CDCP1: variants seen among roughly 807,000 people sequenced by gnomAD.
CDCP1 encodes CUB domain containing protein 1.
CDCP1 carries 29 observed loss-of-function variants against 60.2 expected under a neutral mutation model. The observed-to-expected ratio is 0.48, with a 90% CI of 0.36 to 0.66. CDCP1 has a LOEUF of 0.66. Ranked by LOEUF, CDCP1 falls within the 30% of genes least tolerant of loss-of-function variation. The pLI is 0.00. For missense variants in CDCP1, 876 were observed against 1,074.3 expected (o/e 0.82, Z 2.58); for synonymous variants, 387 against 431.1 (o/e 0.90, Z 1.27).
intron 2 of CDCP1, 73 bp downstream of exon 2, chr3:45,118,339 A>G (rs766768667): frequency 8.9e-7 from 1 of 1,117,398 alleles, no homozygotes; most frequent in Non-Finnish European, 1.4e-6. Context: ...CTGACTTAGC[A>G]TGGGAAAGAC....
intron 1 of CDCP1, among the ~76,000 whole-genome samples, chr3:45,125,554 T>C (rs181388202): frequency 1.3e-5 from 2 of 152,332 alleles, no homozygotes; most frequent in African/African-American, 2.4e-5. Flanking sequence ...AGTCAATCAA[T>C]ATTGGCTGTT....
At chr3:45,089,431 G>C (rs952443541) in intron 7 of CDCP1, among the ~76,000 whole-genome samples, 1 of 152,174 alleles carries the variant, frequency 6.6e-6, no homozygotes, top group Non-Finnish European at 1.5e-5. Context: ...TAAGAAGTCT[G>C]ACTATGCTGA....
chr3:45,144,943 G>A (rs182484640), intron 1 of CDCP1, among the ~76,000 whole-genome samples: 57 of 152,080 alleles, frequency 3.7e-4, no homozygotes, highest in African/African-American at 1.3e-3. Flanking sequence ...TCAGGAGCTC[G>A]AGACCAGCCT....
In CDCP1 at chr3:45,093,341, G is replaced by T. The variant is rs145165318; in HGVS notation, c.1563C>A (p.Ala521=). 359 of 1,614,156 alleles carry T rather than the reference G, an allele frequency of 2.2e-4. 2 individuals are homozygous for T. In the African/African-American group the frequency reaches 4.6e-3, roughly 21 times the overall value. ...TGGAGGCCTCTTGTTGGAAGCTGGGGGCAAAGGTGCGAAGGGTCACCGAGA... is the reference window on the plus strand; with the variant it reads ...TGGAGGCCTCTTGTTGGAAGCTGGGTGCAAAGGTGCGAAGGGTCACCGAGA... ...QNISVTLRTF[A]PSFQQEASRQ... Residue 521 remains alanine (A), a synonymous_variant, in exon 6 of 9, where the codon GCC becomes GCA. Transcript: ENST00000296129.
At chr3:45,102,688 C>T (rs1426426270) in intron 4 of CDCP1, among the ~76,000 whole-genome samples, 1 of 151,248 alleles carries the variant, frequency 6.6e-6, no homozygotes. Flanking sequence ...TGTTTTGAGA[C>T]AGTTTCACTC....
rs2126012643 is a variant in CDCP1, at chr3:45,146,249, T to C, written c.39A>G (p.Leu13=). 6.3e-7 allele frequency: 1 copy of C among 1,596,838 alleles called. No individual in the cohort carries two copies. The highest frequency in any genetic ancestry group is 1.1e-5 in the South Asian group (1 of 89,178). ...GLNCGVSIAL[L]GVLLLGAARL... ...GCGCCGCACCCAGCAGCAGAACCCC[T>C]AGCAGTGCGATAGAGACCCCGCAGT... The change falls in exon 1 of 9, where the codon CTA becomes CTG. Residue 13 remains leucine (L), a synonymous_variant. Coordinates refer to ENST00000296129, the MANE Select transcript of CDCP1 (RefSeq NM_022842.5).
Position 45,091,639 on chromosome 3 carries a change from G to T in CDCP1, c.1628-101C>A. 1 of 1,383,662 alleles carries T rather than the reference G, an allele frequency of 7.2e-7. No individual in the cohort carries two copies. The allele number at this position is 1,383,662 out of a possible 1,614,324, so 85.7% of individuals were successfully genotyped here. On this transcript the variant is annotated intron_variant, in intron 6 of 8. Coordinates refer to ENST00000296129, the MANE Select transcript of CDCP1 (RefSeq NM_022842.5). The surrounding 1 kb of genome is among the most constrained non-coding windows in gnomAD (Gnocchi z 4.8). ...ACGAAGTCCAACTGTCCAGACCAGC[G>T]CTGTCTAACCGAACTTTCTGCGATG...
At chr3:45,137,290 G>A (rs559871689) in intron 1 of CDCP1, among the ~76,000 whole-genome samples, 7 of 152,268 alleles carry the variant, frequency 4.6e-5, no homozygotes, top group African/African-American at 1.7e-4. Flanking sequence ...CTAATGATGA[G>A]CATTTGGGTT....
intron 4 of CDCP1, among the ~76,000 whole-genome samples, chr3:45,096,623 C>CAAAAAAA (rs5848726): frequency 0.015 from 810 of 53,094 alleles, 77 homozygotes; most frequent in South Asian, 0.029. Context: ...GACTCCGTCT[C>CAAAAAAA]AAAAAAAAAA....
rs140040562 is a variant in CDCP1, at chr3:45,110,744, C to T, written c.753G>A (p.Thr251=). 46 of 1,614,062 alleles carry T rather than the reference C, an allele frequency of 2.8e-5. No individual in the cohort carries two copies. The highest frequency in any genetic ancestry group is 3.7e-5 in the Non-Finnish European group (44 of 1,180,050). ...GGTGTGCAGGAACGACAAACTGCCA[C>T]GTCATGAGCTCATCCTCAGGGAAGC... ...PEGFPEDELM[T]WQFVVPAHLR... Residue 251 remains threonine (T), a synonymous_variant, in exon 4 of 9, where the codon ACG becomes ACA. Transcript: ENST00000296129.
At chr3:45,095,270 G>A in intron 5 of CDCP1, 77 bp downstream of exon 5, 1 of 1,330,748 alleles carries the variant, frequency 7.5e-7, no homozygotes, top group Non-Finnish European at 1.1e-6. Context: ...AACCTACCCA[G>A]GGAACCCCAC....
chr3:45,100,911 T>C, intron 4 of CDCP1, among the ~76,000 whole-genome samples: 1 of 152,196 alleles, frequency 6.6e-6, no homozygotes, highest in Non-Finnish European at 1.5e-5. Flanking sequence ...AGTGTGTAAA[T>C]CAGCTGAGGC....
At chr3:45,106,794 G>T (rs1166697945) in intron 4 of CDCP1, among the ~76,000 whole-genome samples, 1 of 152,182 alleles carries the variant, frequency 6.6e-6, no homozygotes, top group Non-Finnish European at 1.5e-5. Context: ...GAGAGGTGCA[G>T]CAGTGAAGGG....
At chr3:45,136,443 CCTCATTCCACTATATT>C (rs1340282019) in intron 1 of CDCP1, among the ~76,000 whole-genome samples, 4 of 152,218 alleles carry the variant, frequency 2.6e-5, no homozygotes, top group Admixed American at 1.3e-4. Context: ...AAGCATTAAT[CCTCATTCCACTATATT>C]CTGCTTTGCT....
At chr3:45,105,797 C>A (rs1698554770) in intron 4 of CDCP1, among the ~76,000 whole-genome samples, 1 of 152,088 alleles carries the variant, frequency 6.6e-6, no homozygotes, top group South Asian at 2.1e-4. Context: ...AAACAGGCTG[C>A]CTGGTGAAAG....
In CDCP1 at chr3:45,085,715, T is replaced by C; in HGVS notation, c.2434A>G (p.Asn812Asp). ...ESEPYTFSHP[N>D]NGDVSSKDTD... is the part of the protein sequence containing the mutation. ...TCCTTGCTGCTTACATCCCCATTGT[T>C]GGGATGGGAGAAGGTGTACGGTTCA... Residue 812 changes from asparagine to aspartate, a missense_variant, in exon 9 of 9, where the codon AAC becomes GAC. Asn to Asp is a conservative substitution (Grantham distance 23). This residue lies in a region of CDCP1 where 726 missense variants were observed against 935.7 expected (regional missense o/e 0.78). Coordinates refer to ENST00000296129, the MANE Select transcript of CDCP1 (RefSeq NM_022842.5). The surrounding 1 kb of genome is among the most constrained non-coding windows in gnomAD (Gnocchi z 4.2). 2.5e-6 allele frequency: 4 copies of C among 1,614,086 alleles called. No individual in the cohort carries two copies. Among genetic ancestry groups the C allele is most frequent in the Non-Finnish European group, 3.4e-6 (4 of 1,180,000 alleles).
chr3:45,112,540 TG>T, intron 2 of CDCP1, 95 bp from the exon 3 acceptor site: 1 of 1,515,878 alleles, frequency 6.6e-7, no homozygotes. Context: ...GTAGACTCTT[TG>T]GGGCTCCCCC....
chr3:45,141,195 C>G (rs752418054), intron 1 of CDCP1, among the ~76,000 whole-genome samples: 1 of 144,336 alleles, frequency 6.9e-6, no homozygotes, highest in African/African-American at 2.5e-5. Context: ...AGTAAGACTC[C>G]GTCTCAAAAA....
chr3:45,142,664 A>C (rs1298080104), intron 1 of CDCP1, among the ~76,000 whole-genome samples: 4 of 152,204 alleles, frequency 2.6e-5, no homozygotes, highest in Non-Finnish European at 5.9e-5. Flanking sequence ...TCTTCATCCC[A>C]GCAATTCTGC....
Sources: allele counts gnomAD v4.1 joint callset (sites outside exome capture counted in the v4.1 genomes callset), GRCh38; gene constraint gnomAD v4.1.1; regional missense constraint gnomAD v4.1.1; non-coding constraint Gnocchi (gnomAD v3.1); transcripts MANE v1.5; gene names NCBI Gene and HGNC (gene_info 2026-07-23, HGNC 2026-07-21).